The following REST variants were observed in gnomAD, a reference collection of about 807,000 sequenced individuals.
REST encodes the protein RE1 silencing transcription factor.
A neutral mutation model predicts 30.4 loss-of-function variants in REST; 1 was observed. That is an observed-to-expected ratio of 0.03 (90% CI 0.01 to 0.16). The LOEUF (loss-of-function observed/expected upper bound fraction) is 0.16, where lower values mean the gene tolerates loss of function less well. Among genes scored for constraint, REST ranks in the 10% least tolerant of loss-of-function variants. The pLI is 1.00. For missense variants in REST, 1,259 were observed against 1,329.5 expected (o/e 0.95, Z 0.82); for synonymous variants, 504 against 451.1 (o/e 1.12, Z -1.49).
At chr4:56,914,746 G>T (rs912390473) in intron 2 of REST, among the ~76,000 whole-genome samples, 13 of 152,034 alleles carry the variant, frequency 8.6e-5, no homozygotes, top group South Asian at 2.1e-4. Flanking sequence ...TAGAGATGTG[G>T]TTTCACCGTG....
At position 56,920,199 on chromosome 4, in the gene REST, T is replaced by C. The variant is rs185947656; in HGVS notation, c.982+329T>C. On this transcript the variant is annotated intron_variant, in intron 3 of 3. Coordinates refer to ENST00000309042, the MANE Select transcript of REST (RefSeq NM_005612.5). ...ATCTTTTAACCCCTACTTCTCATAT[T>C]TCTCCTAACAGTATAAAGCTGAGAG... is the stretch of plus-strand genomic sequence containing the variant. Among the ~76,000 whole-genome samples, 19 of 152,114 alleles carry C rather than the reference T, an allele frequency of 1.2e-4. No individual in the cohort carries two copies. The East Asian group carries it at 3.5e-3, about 28-fold the overall frequency.
intron 3 of REST, among the ~76,000 whole-genome samples, chr4:56,920,347 G>T (rs138700833): frequency 4.0e-5 from 6 of 150,308 alleles, no homozygotes; most frequent in Non-Finnish European, 8.9e-5. Context: ...AGTTTAGCTT[G>T]AAAAAGAAAA....
rs114040635 is a variant in REST, at chr4:56,933,102, G to A, written c.*950G>A. The A allele has an allele frequency of 1.5e-3, 225 of 151,624 alleles. 2 individuals are homozygous for A. Among genetic ancestry groups the A allele is most frequent in the African/African-American group, 5.2e-3 (216 of 41,176 alleles). 9.4% of individuals were successfully genotyped at this position (151,624 alleles called of 1,614,324 possible). ...GTATTTCATATAACTTATTTATTTC[G>A]AATGGATGTAGTAAATTCACAGCTA... is the stretch of plus-strand genomic sequence containing the variant. On this transcript the variant is annotated 3_prime_UTR_variant, in exon 4 of 4. Transcript: ENST00000309042.
rs775811215 is a variant in REST at position 56,931,091 on chromosome 4, G to C, written c.2233G>C (p.Val745Leu). The C allele has an allele frequency of 2.0e-5, 28 of 1,385,102 alleles. No homozygotes were observed. Among genetic ancestry groups the C allele is most frequent in the Non-Finnish European group, 2.8e-5 (28 of 1,000,986 alleles). 85.8% of individuals were successfully genotyped at this position (1,385,102 alleles called of 1,614,324 possible). Residue 745 changes from valine (V) to leucine (L), a missense_variant, in exon 4 of 4, where the codon GTT (valine) becomes CTT (leucine). Physicochemically the swap from Val to Leu is conservative, Grantham distance 32. Transcript: ENST00000309042. Reference sequence around the variant, plus strand: ...CATGGAGGTGGTCCAGAAGGAGCCTGTTCAGATAGAGCTGTCTCCTCCCAT... The same window carrying C: ...CATGGAGGTGGTCCAGAAGGAGCCTCTTCAGATAGAGCTGTCTCCTCCCAT... Reference protein sequence around the residue: ...PPMEVVQKEPVQIELSPPMEV... With the variant: ...PPMEVVQKEPLQIELSPPMEV...
At chr4:56,922,178 C>A (rs953703441) in intron 3 of REST, among the ~76,000 whole-genome samples, 1 of 151,788 alleles carries the variant, frequency 6.6e-6, no homozygotes, top group Non-Finnish European at 1.5e-5. Flanking sequence ...TGGTTTCATT[C>A]TCTGATGGTA....
chr4:56,911,654 A>C (rs116765139), intron 2 of REST, 118 bp downstream of exon 2: 1 of 827,146 alleles, frequency 1.2e-6, no homozygotes, highest in East Asian at 2.5e-5. Context: ...CCATTTTGCT[A>C]TCTTTGTGAC....
At position 56,930,757 on chromosome 4, in the gene REST, C is replaced by T. The variant is rs1720924115; in HGVS notation, c.1899C>T (p.Pro633=). The change falls in exon 4 of 4, where the codon CCC becomes CCT. Residue 633 remains proline, a synonymous_variant. Transcript: ENST00000309042. The stretch of plus-strand genomic sequence containing the variant: ...CCGTTCAGGTGGAGCCGCCACCTCC[C>T]ATGGAGCATGCTCAGATGGAGGGTG... ...KGPVQVEPPP[P]MEHAQMEGAQ... The T allele has an allele frequency of 4.4e-6, 7 of 1,603,636 alleles. No individual in the cohort carries two copies. In the African/African-American group the frequency reaches 5.4e-5, roughly 12 times the overall value.
At position 56,911,191 on chromosome 4, in the gene REST, A is replaced by G. The variant is rs1374252597; in HGVS notation, c.553A>G (p.Lys185Glu). 1 of 1,614,206 alleles carries G rather than the reference A, an allele frequency of 6.2e-7. No homozygotes were observed. The highest frequency in any genetic ancestry group is 8.5e-7 in the Non-Finnish European group (1 of 1,180,044). The change falls in exon 2 of 4, where the codon AAA (lysine) becomes GAA (glutamate). Residue 185 changes from lysine (K) to glutamate (E), a missense_variant. Lys to Glu is a moderately conservative substitution (Grantham distance 56). Transcript: ENST00000309042. ...TCACATCAGAGTTCACAGTGCTAAG[A>G]AATTTTTTGTGGAAGAGAGTGCAGA... Reference protein sequence around the residue: ...VHHIRVHSAKKFFVEESAEKQ... With the variant: ...VHHIRVHSAKEFFVEESAEKQ...
At position 56,931,194 on chromosome 4, in the gene REST, T is replaced by C. The variant is rs1720953820; in HGVS notation, c.2336T>C (p.Met779Thr). ...IEVVQKEPVQ[M>T]ELSPPMGVVQ... The stretch of plus-strand genomic sequence containing the variant: ...GTGGTCCAGAAGGAGCCTGTTCAGA[T>C]GGAGTTGTCTCCTCCCATGGGGGTG... The change falls in exon 4 of 4, where the codon ATG becomes ACG. Residue 779 changes from methionine to threonine, a missense_variant. Physicochemically the swap from Met to Thr is moderately conservative, Grantham distance 81. Coordinates refer to ENST00000309042, the MANE Select transcript of REST (RefSeq NM_005612.5). The C allele has an allele frequency of 6.2e-7, 1 of 1,613,958 alleles. No homozygotes were observed. The highest frequency in any genetic ancestry group is 8.5e-7 in the Non-Finnish European group (1 of 1,179,928).
chr4:56,914,367 C>T (rs1720079871), intron 2 of REST, among the ~76,000 whole-genome samples: 1 of 152,040 alleles, frequency 6.6e-6, no homozygotes, highest in African/African-American at 2.4e-5. Flanking sequence ...ATTGCTAAGC[C>T]CCAGCAGATG....
rs1263966292 is a variant in REST, at chr4:56,931,286, A to G, written c.2428A>G (p.Ile810Val). 11 of 1,614,128 alleles carry G rather than the reference A, an allele frequency of 6.8e-6. No homozygotes were observed. Among genetic ancestry groups the G allele is most frequent in the African/African-American group, 6.7e-5 (5 of 74,956 alleles). The change falls in exon 4 of 4, where the codon ATT (isoleucine) becomes GTT (valine). Residue 810 changes from isoleucine to valine, a missense_variant. By Grantham distance (29) the Ile-to-Val change is conservative. Coordinates refer to ENST00000309042, the MANE Select transcript of REST (RefSeq NM_005612.5). ...PREPPLHMEPISKKPPLRKDK... is the reference protein window; with the variant it reads ...PREPPLHMEPVSKKPPLRKDK... ...AGAGCCTCCCCTTCACATGGAGCCA[A>G]TTTCCAAAAAGCCTCCTCTCCGAAA...
At position 56,934,587 on chromosome 4, in the gene REST, A is replaced by G. The variant is rs2109584800; in HGVS notation, c.*2435A>G. 6.6e-6 allele frequency: 1 copy of G among 152,336 alleles called. No homozygotes were observed. The highest frequency in any genetic ancestry group is 2.4e-5 in the African/African-American group (1 of 41,588). The allele number at this position is 152,336 out of a possible 1,614,324, so 9.4% of individuals were successfully genotyped here. On this transcript the variant is annotated 3_prime_UTR_variant, in exon 4 of 4. Transcript: ENST00000309042. ...ACCTTAATGCCATGTATTTGTACTT[A>G]CTAAAAATTGTTTCAATGAAAAGTA...
chr4:56,907,916 C>T lies in REST; in HGVS notation c.-307C>T, dbSNP rs1361690307. The T allele has an allele frequency of 2.0e-5, 5 of 246,004 alleles. No homozygotes were observed. In the East Asian group the frequency reaches 2.1e-4, roughly 10 times the overall value. The allele number at this position is 246,004 out of a possible 1,614,324, so 15.2% of individuals were successfully genotyped here. ...GCGGACTGGGTGCGCGGCGCAGCGT[C>T]CTGTGTTGGAATGTGCGGCTGCCGC... is the stretch of plus-strand genomic sequence containing the variant. On this transcript the variant is annotated 5_prime_UTR_variant, in exon 1 of 4. Coordinates refer to ENST00000309042, the MANE Select transcript of REST (RefSeq NM_005612.5).
chr4:56,928,329 A>G (rs1720802849), intron 3 of REST, among the ~76,000 whole-genome samples: 1 of 152,026 alleles, frequency 6.6e-6, no homozygotes, highest in Non-Finnish European at 1.5e-5. Flanking sequence ...GCTGGTCTTG[A>G]ACTCCTGACC....
chr4:56,917,743 T>C (rs114657622), intron 2 of REST, among the ~76,000 whole-genome samples: 52 of 152,314 alleles, frequency 3.4e-4, no homozygotes, highest in African/African-American at 1.1e-3. Context: ...TAAAACAAAT[T>C]GTATACCTTT....
At chr4:56,929,769 A>T in intron 3 of REST, 72 bp from the exon 4 acceptor site, 1 of 1,355,206 alleles carries the variant, frequency 7.4e-7, no homozygotes, top group Non-Finnish European at 1.0e-6. Flanking sequence ...CTTTACATAT[A>T]CAGTTCTTTA....
rs958664617 is a variant in REST, at chr4:56,930,746, C to T, written c.1888C>T (p.Pro630Ser). The T allele has an allele frequency of 4.4e-6, 7 of 1,599,880 alleles. 1 individual carries two copies. The highest frequency in any genetic ancestry group is 3.4e-4 in the Middle Eastern group (2 of 5,928). The change falls in exon 4 of 4, where the codon CCG becomes TCG. Residue 630 changes from proline to serine, a missense_variant. By Grantham distance (74) the Pro-to-Ser change is moderately conservative. Around this residue, in one of 5 missense-constraint regions of REST, gnomAD observed 856 missense variants for 772.8 expected, o/e 1.11. Coordinates refer to ENST00000309042, the MANE Select transcript of REST (RefSeq NM_005612.5). ...AVQKGPVQVE[P>S]PPPMEHAQME... The stretch of plus-strand genomic sequence containing the variant: ...TCAGAAGGGGCCCGTTCAGGTGGAG[C>T]CGCCACCTCCCATGGAGCATGCTCA...
Position 56,931,433 on chromosome 4 carries a change from G to C in REST, c.2575G>C (p.Asp859His). ...WLLKESVSTE[D>H]LSPPSPPLPK... ...TCTAAAGGAAAGTGTAAGCACAGAG[G>C]ATCTCTCACCACCATCACCACCACT... Residue 859 changes from aspartate to histidine, a missense_variant, in exon 4 of 4, where the codon GAT becomes CAT. Asp to His is a moderately conservative substitution (Grantham distance 81). Transcript: ENST00000309042. The C allele has an allele frequency of 6.2e-7, 1 of 1,614,200 alleles. No homozygotes were observed. Among genetic ancestry groups the C allele is most frequent in the Non-Finnish European group, 8.5e-7 (1 of 1,180,028 alleles).
At chr4:56,919,891 TTTC>T (rs767046502) in intron 3 of REST, 21 bp downstream of exon 3, 1 of 1,314,164 alleles carries the variant, frequency 7.6e-7, no homozygotes, top group South Asian at 1.4e-5. Flanking sequence ...AATTGGAACT[TTTC>T]TATCATTTTC....
Sources: gnomAD v4.1 joint callset for allele counts (sites outside exome capture counted in the v4.1 genomes callset) on GRCh38, gnomAD v4.1.1 for gene constraint, gnomAD v4.1.1 regional missense constraint, MANE v1.5 for transcripts, NCBI Gene and HGNC (gene_info 2026-07-23, HGNC 2026-07-21) for gene names.